KIAA1217: variants seen among roughly 807,000 people sequenced by gnomAD.
KIAA1217 encodes KIAA1217.
KIAA1217 carries 88 observed loss-of-function variants against 163.9 expected under a neutral mutation model. The ratio of observed to expected loss-of-function variants is 0.54; its 90% CI spans 0.45 to 0.64. The LOEUF is 0.64. Among genes scored for constraint, KIAA1217 ranks in the 30% least tolerant of loss-of-function variants. KIAA1217 has a pLI of 0.00. For synonymous variants in KIAA1217, 903 were observed against 923.1 expected (o/e 0.98, Z 0.39); for missense variants, 2,372 against 2,475.0 (o/e 0.96, Z 0.88).
chr10:23,992,438 A>G (rs938201280), intron 1 of KIAA1217, among the ~76,000 whole-genome samples: 1 of 152,176 alleles, frequency 6.6e-6, no homozygotes, highest in African/African-American at 2.4e-5. Flanking sequence ...ATGAGACCCA[A>G]GAGTAACAGG....
chr10:24,276,181 A>T (rs1007818564), intron 2 of KIAA1217, among the ~76,000 whole-genome samples: 2 of 152,194 alleles, frequency 1.3e-5, no homozygotes, highest in East Asian at 1.9e-4. Context: ...TTTACGTGTT[A>T]TTATTCTAAT....
intron 1 of KIAA1217, among the ~76,000 whole-genome samples, chr10:23,931,585 G>A (rs781127275): frequency 2.6e-5 from 4 of 152,124 alleles, no homozygotes; most frequent in Non-Finnish European, 5.9e-5. Context: ...TGACACAAAT[G>A]TCCACATGGT....
chr10:24,459,663 T>C (rs2062161180), intron 5 of KIAA1217, among the ~76,000 whole-genome samples: 1 of 152,132 alleles, frequency 6.6e-6, no homozygotes, highest in Non-Finnish European at 1.5e-5. Flanking sequence ...TGGTTGACGC[T>C]TGTAATCCTA....
chr10:24,004,657 A>C (rs1210115439), intron 1 of KIAA1217, among the ~76,000 whole-genome samples: 1 of 152,232 alleles, frequency 6.6e-6, no homozygotes, highest in Non-Finnish European at 1.5e-5. Context: ...GTGTATTTTC[A>C]TGTCCTGTTG....
At chr10:23,921,071 G>A (rs530735764) in intron 1 of KIAA1217, among the ~76,000 whole-genome samples, 52 of 152,048 alleles carry the variant, frequency 3.4e-4, no homozygotes, top group Non-Finnish European at 6.0e-4. Context: ...TATAAATTAC[G>A]AAGTCTCAGG....
chr10:24,292,118 A>C (rs2079141374), intron 2 of KIAA1217, among the ~76,000 whole-genome samples: 1 of 152,228 alleles, frequency 6.6e-6, no homozygotes, highest in African/African-American at 2.4e-5. Flanking sequence ...GGAGAATTAA[A>C]GGAGATATGA....
intron 1 of KIAA1217, among the ~76,000 whole-genome samples, chr10:23,817,998 T>TATATATACACAC (rs1837405034): frequency 1.1e-4 from 11 of 103,724 alleles, no homozygotes; most frequent in African/African-American, 3.8e-4. Flanking sequence ...TATATATATA[T>TATATATACACAC]ATATATATAT....
At chr10:23,960,016 C>T (rs4128244) in intron 1 of KIAA1217, among the ~76,000 whole-genome samples, 3 of 150,316 alleles carry the variant, frequency 2.0e-5, no homozygotes, top group African/African-American at 7.4e-5. Context: ...CCCGGGTTCA[C>T]GCCATTCTCC....
At chr10:23,938,680 A>T (rs1843633655) in intron 1 of KIAA1217, among the ~76,000 whole-genome samples, 1 of 151,030 alleles carries the variant, frequency 6.6e-6, no homozygotes, top group Non-Finnish European at 1.5e-5. Context: ...AAAAAAAAAA[A>T]GGATGTGCCT....
At chr10:23,892,609 C>T (rs930813154) in intron 1 of KIAA1217, among the ~76,000 whole-genome samples, 2 of 151,920 alleles carry the variant, frequency 1.3e-5, no homozygotes, top group African/African-American at 4.8e-5. Flanking sequence ...TATCAGCTGT[C>T]ATTTCCTCCA....
At position 24,473,857 on chromosome 10, in the gene KIAA1217, C is replaced by G. The variant is rs140033141; in HGVS notation, c.1476C>G (p.Ala492=). ...RMIDMHAHYN[A]HGPPHTMQPD... ...TAGACATGCACGCTCACTATAATGC[C>G]CACGGCCCCCCTCACACCATGCAGC... is the stretch of plus-strand genomic sequence containing the variant. Residue 492 remains alanine (A), a synonymous_variant, in exon 6 of 21, where the codon GCC becomes GCG. Coordinates refer to ENST00000376454, the MANE Select transcript of KIAA1217 (RefSeq NM_019590.5). 2 of 1,613,954 alleles carry G rather than the reference C, an allele frequency of 1.2e-6. No individual in the cohort carries two copies. The highest frequency in any genetic ancestry group is 2.7e-5 in the African/African-American group (2 of 74,878).
At chr10:24,488,766 G>A (rs773455589) in intron 6 of KIAA1217, among the ~76,000 whole-genome samples, 76 of 152,126 alleles carry the variant, frequency 5.0e-4, no homozygotes, top group Non-Finnish European at 8.5e-4. Context: ...GTCAGGGCAT[G>A]AACAAACAAG....
intron 2 of KIAA1217, among the ~76,000 whole-genome samples, chr10:24,100,327 A>G (rs1443053001): frequency 1.3e-5 from 2 of 152,206 alleles, no homozygotes; most frequent in East Asian, 3.9e-4. Context: ...CATTGGGTGT[A>G]TGCAGCTGCC....
intron 1 of KIAA1217, among the ~76,000 whole-genome samples, chr10:23,764,253 G>T (rs1332978462): frequency 6.6e-6 from 1 of 152,148 alleles, no homozygotes; most frequent in Non-Finnish European, 1.5e-5. Context: ...ACCACAATGA[G>T]TTACCATCTC....
intron 2 of KIAA1217, among the ~76,000 whole-genome samples, chr10:24,043,408 C>G (rs1848757959): frequency 1.3e-5 from 2 of 152,060 alleles, no homozygotes; most frequent in African/African-American, 4.8e-5. Context: ...AAAACTATGA[C>G]AAACAAATAC....
chr10:23,926,412 T>A (rs917370218), intron 1 of KIAA1217, among the ~76,000 whole-genome samples: 5 of 152,106 alleles, frequency 3.3e-5, no homozygotes, highest in Non-Finnish European at 5.9e-5. Flanking sequence ...TATTTCCATA[T>A]GAGATGTGCA....
At chr10:23,972,594 G>GA (rs1328475977) in intron 1 of KIAA1217, among the ~76,000 whole-genome samples, 1 of 150,178 alleles carries the variant, frequency 6.7e-6, no homozygotes, top group Non-Finnish European at 1.5e-5. Flanking sequence ...CAATAACCTG[G>GA]AAAAAAAGAT....
chr10:24,046,386 AACAG>A (rs1447590817), intron 2 of KIAA1217, among the ~76,000 whole-genome samples: 17 of 152,302 alleles, frequency 1.1e-4, no homozygotes, highest in Non-Finnish European at 1.6e-4. Flanking sequence ...CTGATAAGGA[AACAG>A]ACAGAGAGTG....
chr10:24,023,855 G>C (rs1847837131), intron 2 of KIAA1217, among the ~76,000 whole-genome samples: 1 of 151,664 alleles, frequency 6.6e-6, no homozygotes, highest in Non-Finnish European at 1.5e-5. Context: ...AAAGAAGGCA[G>C]AGATTAAAAA....
Sources: allele counts gnomAD v4.1 joint callset (sites outside exome capture counted in the v4.1 genomes callset), GRCh38; gene constraint gnomAD v4.1.1; transcripts MANE v1.5; gene names NCBI Gene and HGNC (gene_info 2026-07-23, HGNC 2026-07-21).